COLEC12: variants seen among roughly 807,000 people sequenced by gnomAD.
COLEC12 encodes collectin subfamily member 12, also known as collectin-12.
A neutral mutation model predicts 71.1 loss-of-function variants in COLEC12; 33 were observed. That is an observed-to-expected ratio of 0.46 (90% confidence interval 0.35 to 0.62). The LOEUF is 0.62. Among genes scored for constraint, COLEC12 ranks in the 20% least tolerant of loss-of-function variants. The probability of loss-of-function intolerance (pLI) is 0.00; values close to 1 mark genes in which losing one functional copy is unlikely to be tolerated. For missense variants in COLEC12, 765 were observed against 916.1 expected (o/e 0.84, Z 2.13); for synonymous variants, 350 against 353.0 (o/e 0.99, Z 0.10).
At chr18:390,873 A>G (rs1426168151) in intron 2 of COLEC12, among the ~76,000 whole-genome samples, 2 of 150,572 alleles carry the variant, frequency 1.3e-5, no homozygotes, top group African/African-American at 4.8e-5. Context: ...TGTCCTTGTC[A>G]CTGTTTAGCA....
chr18:337,169 C>A (rs1914138333), intron 5 of COLEC12, among the ~76,000 whole-genome samples: 2 of 152,082 alleles, frequency 1.3e-5, no homozygotes, highest in African/African-American at 4.8e-5. Flanking sequence ...CTGTGCCTGG[C>A]CTTACTTTTT....
In COLEC12 at chr18:318,703, G is replaced by T. The variant is rs1913613253; in HGVS notation, c.*1342C>A. The T allele has an allele frequency of 6.6e-6, 1 of 151,596 alleles. No individual in the cohort carries two copies. The highest frequency in any genetic ancestry group is 6.6e-5 in the Admixed American group (1 of 15,212). 9.4% of individuals were successfully genotyped at this position (151,596 alleles called of 1,614,324 possible). On this transcript the variant is annotated 3_prime_UTR_variant, in exon 10 of 10. Coordinates refer to ENST00000400256, the MANE Select transcript of COLEC12 (RefSeq NM_130386.3). ...AGATGGGGTTTTGCCACGTTGGCCAGGCTGGTCTCGAACTCCTGACCTCAA... is the reference window on the plus strand; with the variant it reads ...AGATGGGGTTTTGCCACGTTGGCCATGCTGGTCTCGAACTCCTGACCTCAA...
intron 2 of COLEC12, among the ~76,000 whole-genome samples, chr18:414,094 T>C (rs1030354386): frequency 2.6e-5 from 4 of 152,234 alleles, no homozygotes; most frequent in Admixed American, 2.6e-4. Context: ...CTGGTTGTGA[T>C]ACTGTACTAC....
intron 2 of COLEC12, among the ~76,000 whole-genome samples, chr18:371,685 C>A (rs1257206104): frequency 1.3e-5 from 2 of 152,120 alleles, no homozygotes; most frequent in Non-Finnish European, 2.9e-5. Flanking sequence ...TGAAAATAAG[C>A]AGTAACAGGC....
At chr18:392,035 T>C (rs1915472556) in intron 2 of COLEC12, among the ~76,000 whole-genome samples, 1 of 152,252 alleles carries the variant, frequency 6.6e-6, no homozygotes, top group South Asian at 2.1e-4. Flanking sequence ...AATCTTTGGA[T>C]TGTCTCTACT....
chr18:405,000 G>C (rs1598353102), intron 2 of COLEC12, among the ~76,000 whole-genome samples: 1 of 152,064 alleles, frequency 6.6e-6, no homozygotes, highest in South Asian at 2.1e-4. Context: ...CTGGGGGGAG[G>C]TCTATAAACA....
chr18:424,886 A>G (rs56037569), intron 2 of COLEC12, among the ~76,000 whole-genome samples: 35,751 of 152,144 alleles, frequency 0.23, 4,565 homozygotes, highest in African/African-American at 0.28. Context: ...CAGGAGGTAG[A>G]GGAGTGAATG....
chr18:465,609 A>G (rs1917070118), intron 2 of COLEC12, among the ~76,000 whole-genome samples: 1 of 152,206 alleles, frequency 6.6e-6, no homozygotes, highest in Non-Finnish European at 1.5e-5. Flanking sequence ...AATCCACCTT[A>G]AAGTACAGGT....
At chr18:407,288 C>T (rs1245154426) in intron 2 of COLEC12, among the ~76,000 whole-genome samples, 2 of 152,330 alleles carry the variant, frequency 1.3e-5, no homozygotes, top group East Asian at 1.9e-4. Flanking sequence ...AGTCAGTGAT[C>T]TCCAGAGGAA....
intron 2 of COLEC12, among the ~76,000 whole-genome samples, chr18:460,861 A>G (rs945971790): frequency 6.6e-6 from 1 of 152,168 alleles, no homozygotes; most frequent in Non-Finnish European, 1.5e-5. Flanking sequence ...TTAGGTGCAC[A>G]TATCACTCGG....
intron 2 of COLEC12, among the ~76,000 whole-genome samples, chr18:459,185 T>C (rs1283508999): frequency 6.6e-6 from 1 of 152,076 alleles, no homozygotes; most frequent in Non-Finnish European, 1.5e-5. Flanking sequence ...TCTGAAAAAC[T>C]AGGTAGCTAC....
At chr18:323,534 C>T (rs939193062) in intron 8 of COLEC12, among the ~76,000 whole-genome samples, 13 of 152,202 alleles carry the variant, frequency 8.5e-5, no homozygotes, top group South Asian at 2.1e-4. Context: ...CTCAGCCTGA[C>T]GCCAGATAGA....
intron 3 of COLEC12, among the ~76,000 whole-genome samples, chr18:349,540 C>A (rs1327661526): frequency 7.2e-5 from 11 of 152,192 alleles, no homozygotes; most frequent in Non-Finnish European, 1.5e-5. Context: ...TGGGGCACTG[C>A]CTAGTGGAGC....
At chr18:406,582 GC>G (rs1915794968) in intron 2 of COLEC12, among the ~76,000 whole-genome samples, 1 of 149,580 alleles carries the variant, frequency 6.7e-6, no homozygotes, top group Admixed American at 6.6e-5. Context: ...GTATAAAGTA[GC>G]CATTATTTTA....
chr18:340,074 C>CAAAAA lies in COLEC12; in HGVS notation c.1328-4849_1328-4845dup, dbSNP rs60991743. On this transcript the variant is annotated intron_variant, in intron 5 of 9. Transcript: ENST00000400256. ...AGAAGCTACCCTTAGTGCCTGAAAG[C>CAAAAA]AAAAAAAAAAAAAAAAACAAAAAGA... is the stretch of plus-strand genomic sequence containing the variant. 8.4e-4 allele frequency among the ~76,000 whole-genome samples: 79 copies of CAAAAA among 94,222 alleles called. 2 individuals carry two copies. The highest frequency in any genetic ancestry group is 2.6e-3 in the African/African-American group (63 of 24,212). 61.8% of individuals were successfully genotyped at this position (94,222 alleles called of 152,430 possible). A position where few individuals can be genotyped will look rare whatever the true frequency, so the allele number is the denominator to read the frequency against.
intron 2 of COLEC12, among the ~76,000 whole-genome samples, chr18:376,435 T>C (rs1177988399): frequency 6.6e-6 from 1 of 152,236 alleles, no homozygotes; most frequent in Non-Finnish European, 1.5e-5. Context: ...GAGGAGTTTA[T>C]TATAACAGCT....
At chr18:423,515 G>A (rs1916138652) in intron 2 of COLEC12, among the ~76,000 whole-genome samples, 1 of 151,736 alleles carries the variant, frequency 6.6e-6, no homozygotes, top group Non-Finnish European at 1.5e-5. Context: ...AAACTATCAG[G>A]TGCCATGATG....
intron 2 of COLEC12, among the ~76,000 whole-genome samples, chr18:428,196 GGAGGTTGCGT>G (rs1298999719): frequency 2.0e-5 from 3 of 152,010 alleles, no homozygotes; most frequent in African/African-American, 7.2e-5. Context: ...CCCAAGAGGT[GGAGGTTGCGT>G]GAGCTGAGAT....
At chr18:448,380 G>A (rs1167525336) in intron 2 of COLEC12, among the ~76,000 whole-genome samples, 1 of 152,140 alleles carries the variant, frequency 6.6e-6, no homozygotes, top group African/African-American at 2.4e-5. Flanking sequence ...ATAAAAACAG[G>A]ACCCTTGACT....
Sources: allele counts gnomAD v4.1 joint callset (sites outside exome capture counted in the v4.1 genomes callset), GRCh38; gene constraint gnomAD v4.1.1; transcripts MANE v1.5; gene names NCBI Gene and HGNC (gene_info 2026-07-23, HGNC 2026-07-21).